Variants in SETD2 observed in about 807,000 individuals in gnomAD.
The protein encoded by SETD2 is histone-lysine N-methyltransferase SETD2.
Under a neutral mutation model 242.1 loss-of-function variants are expected in SETD2, and 31 were observed. The observed-to-expected ratio is 0.13, with a 90% confidence interval of 0.10 to 0.17. SETD2 has a LOEUF of 0.17. SETD2 is among the 10% of genes least tolerant of loss of function. SETD2 has a pLI of 1.00. For synonymous variants in SETD2, 1,006 were observed against 1,066.5 expected (o/e 0.94, Z 1.11); for missense variants, 2,481 against 3,046.3 (o/e 0.81, Z 4.37).
chr3:47,036,735 T>C (rs1457511825), intron 18 of SETD2, among the ~76,000 whole-genome samples: 1 of 151,726 alleles, frequency 6.6e-6, no homozygotes, highest in African/African-American at 2.4e-5. Flanking sequence ...AAACCCTGTC[T>C]CTACTACAAA....
intron 1 of SETD2, among the ~76,000 whole-genome samples, chr3:47,131,027 T>C (rs1051747548): frequency 5.9e-5 from 9 of 152,038 alleles, no homozygotes; most frequent in Non-Finnish European, 1.3e-4. Flanking sequence ...ACATTAGAAG[T>C]AAGGTTTACA....
Position 47,017,064 on chromosome 3 carries a change from C to T in SETD2, c.*29G>A, listed in dbSNP as rs370434138. ...TCTCCCTAGAGTCTGTCTTACCTGA[C>T]CACCCATCCTCCCACCCTGGCCCAA... On this transcript the variant is annotated 3_prime_UTR_variant, in exon 21 of 21. Coordinates refer to ENST00000409792, the MANE Select transcript of SETD2 (RefSeq NM_014159.7). The surrounding 1 kb of genome is among the most constrained non-coding windows in gnomAD (Gnocchi z 4.8). 1 of 1,610,546 alleles carries T rather than the reference C, an allele frequency of 6.2e-7. No individual in the cohort carries two copies. Among genetic ancestry groups the T allele is most frequent in the African/African-American group, 1.3e-5 (1 of 74,960 alleles).
chr3:47,076,681 C>A (rs565882977), intron 12 of SETD2, among the ~76,000 whole-genome samples: 1 of 152,000 alleles, frequency 6.6e-6, no homozygotes, highest in East Asian at 1.9e-4. Context: ...TATAGAAGTA[C>A]AGAAAAGGAC....
chr3:47,030,916 C>T (rs1179792743), intron 18 of SETD2, among the ~76,000 whole-genome samples: 8 of 152,066 alleles, frequency 5.3e-5, no homozygotes, highest in Admixed American at 2.6e-4. Context: ...AGTGCTAAAA[C>T]GAAATGAGCT....
chr3:47,134,233 T>TGGA (rs2106770186), intron 1 of SETD2, among the ~76,000 whole-genome samples: 1 of 152,302 alleles, frequency 6.6e-6, no homozygotes, highest in African/African-American at 2.4e-5. Flanking sequence ...CAAGTACAGG[T>TGGA]GGAAGCCTCT....
intron 1 of SETD2, among the ~76,000 whole-genome samples, chr3:47,134,005 T>C (rs1255609584): frequency 3.9e-5 from 6 of 152,328 alleles, no homozygotes; most frequent in East Asian, 3.9e-4. Context: ...AGAGGTAGGA[T>C]AGCAGTACCC....
intron 9 of SETD2, among the ~76,000 whole-genome samples, chr3:47,096,904 T>C (rs1288955103): frequency 6.6e-6 from 1 of 152,246 alleles, no homozygotes; most frequent in African/African-American, 2.4e-5. Flanking sequence ...TTTTCTGCTT[T>C]TTTTAACGGA....
At chr3:47,090,993 A>T (rs2107658193) in intron 9 of SETD2, among the ~76,000 whole-genome samples, 1 of 152,346 alleles carries the variant, frequency 6.6e-6, no homozygotes, top group South Asian at 2.1e-4. Flanking sequence ...AATGAGAAAA[A>T]ATAAAGTGCT....
rs2107576671 is a variant in SETD2, at chr3:47,057,274, A to T, written c.6510T>A (p.Gly2170=). The change falls in exon 15 of 21, where the codon GGT becomes GGA. Residue 2170 remains glycine (G), a synonymous_variant. Coordinates refer to ENST00000409792, the MANE Select transcript of SETD2 (RefSeq NM_014159.7). Reference sequence around the variant, plus strand: ...GATCCACATAGGCCTGCATGGGATAACCTGGTGGGTAACCAGCAAAGGGAT... The same window carrying T: ...GATCCACATAGGCCTGCATGGGATATCCTGGTGGGTAACCAGCAAAGGGAT... ...PHHPFAGYPP[G]YPMQAYVDPS... 6.2e-7 allele frequency: 1 copy of T among 1,614,178 alleles called. No individual in the cohort carries two copies. Among genetic ancestry groups the T allele is most frequent in the South Asian group, 1.1e-5 (1 of 91,082 alleles).
rs1235190689 is a variant in SETD2, at chr3:47,122,767, A to C, written c.1869T>G (p.Asp623Glu). ...GSPAPSNRLN[D>E]SPTLKKLDEL... The stretch of plus-strand genomic sequence containing the variant: ...CATCTAGCTTTTTTAAAGTAGGTGA[A>C]TCATTTAATCGATTTGATGGAGCTG... The change falls in exon 3 of 21, where the codon GAT becomes GAG. Residue 623 changes from aspartate (D) to glutamate (E), a missense_variant. Asp to Glu is a conservative substitution (Grantham distance 45). Transcript: ENST00000409792. 6.2e-7 allele frequency: 1 copy of C among 1,610,410 alleles called. No homozygotes were observed. Among genetic ancestry groups the C allele is most frequent in the Non-Finnish European group, 8.5e-7 (1 of 1,179,056 alleles).
At chr3:47,087,566 G>A (rs1407918036) in intron 10 of SETD2, among the ~76,000 whole-genome samples, 1 of 152,206 alleles carries the variant, frequency 6.6e-6, no homozygotes, top group Non-Finnish European at 1.5e-5. Context: ...ATGGCCTGGG[G>A]ATTGGGGATC....
chr3:47,114,811 A>G (rs1181258849), intron 4 of SETD2, among the ~76,000 whole-genome samples: 2 of 147,910 alleles, frequency 1.4e-5, no homozygotes, highest in Non-Finnish European at 3.0e-5. Context: ...CCCAGGAGGC[A>G]GAGGTTGTAG....
chr3:47,158,196 T>C (rs1397110971), intron 1 of SETD2, among the ~76,000 whole-genome samples: 1 of 152,208 alleles, frequency 6.6e-6, no homozygotes, highest in South Asian at 2.1e-4. Context: ...AAGACAATTA[T>C]ATTGAGGGGA....
chr3:47,133,288 A>T (rs1445490427), intron 1 of SETD2, among the ~76,000 whole-genome samples: 1 of 152,216 alleles, frequency 6.6e-6, no homozygotes, highest in Non-Finnish European at 1.5e-5. Flanking sequence ...TCCTGAGCTC[A>T]AACGATCCTC....
intron 1 of SETD2, among the ~76,000 whole-genome samples, chr3:47,131,161 T>C (rs1228576733): frequency 1.3e-5 from 2 of 152,072 alleles, no homozygotes; most frequent in Non-Finnish European, 2.9e-5. Context: ...TAAAGCTAAA[T>C]AGAAGTATTT....
intron 15 of SETD2, among the ~76,000 whole-genome samples, chr3:47,056,576 ACAGCTTGACTGTAATTT>A (rs1279802397): frequency 6.6e-6 from 1 of 152,184 alleles, no homozygotes; most frequent in Non-Finnish European, 1.5e-5. Context: ...GCCATGGCCA[ACAGCTTGACTGTAATTT>A]CATGGAAAAC....
intron 5 of SETD2, among the ~76,000 whole-genome samples, chr3:47,111,350 T>C (rs1218476861): frequency 6.6e-6 from 1 of 151,960 alleles, no homozygotes; most frequent in African/African-American, 2.4e-5. Context: ...AAATAAACAA[T>C]TAAAAACCAG....
In SETD2 at chr3:47,034,582, G is replaced by C. The variant is rs180790716; in HGVS notation, c.7350+3084C>G. ...GGAGGCTGAGACGAAAGGATTACTTGAGCCTGAGAGTTCGAGGTTACGGTA... is the reference window on the plus strand; with the variant it reads ...GGAGGCTGAGACGAAAGGATTACTTCAGCCTGAGAGTTCGAGGTTACGGTA... On this transcript the variant is annotated intron_variant, in intron 18 of 20. Transcript: ENST00000409792. Among the ~76,000 whole-genome samples the C allele has an allele frequency of 3.0e-3, 462 of 152,260 alleles. 3 individuals carry two copies. The highest frequency in any genetic ancestry group is 9.9e-3 in the Admixed American group (151 of 15,294).
At chr3:47,025,588 T>C (rs990064993) in intron 18 of SETD2, among the ~76,000 whole-genome samples, 1 of 152,210 alleles carries the variant, frequency 6.6e-6, no homozygotes, top group Non-Finnish European at 1.5e-5. Context: ...CTTCCCTATA[T>C]GCATCCAAAC....
Sources: gnomAD v4.1 joint callset for allele counts (sites outside exome capture counted in the v4.1 genomes callset) on GRCh38, gnomAD v4.1.1 for gene constraint, Gnocchi (gnomAD v3.1) non-coding constraint, MANE v1.5 for transcripts, NCBI Gene and HGNC (gene_info 2026-07-23, HGNC 2026-07-21) for gene names.